The following CD163L1 variants were observed in gnomAD, a reference collection of about 807,000 sequenced individuals.
CD163L1 encodes the protein CD163 molecule like 1.
CD163L1 carries 124 observed loss-of-function variants against 165.4 expected under a neutral mutation model. The ratio of observed to expected loss-of-function variants is 0.75; its 90% CI spans 0.65 to 0.87. CD163L1 has a LOEUF of 0.87. Among genes scored for constraint, CD163L1 ranks in the 40% least tolerant of loss-of-function variants. CD163L1 has a pLI of 0.00. For synonymous variants in CD163L1, 585 were observed against 662.2 expected (o/e 0.88, Z 1.79); for missense variants, 1,525 against 1,799.9 (o/e 0.85, Z 2.76).
intron 13 of CD163L1, among the ~76,000 whole-genome samples, chr12:7,373,903 C>T (rs186282108): frequency 6.6e-6 from 1 of 152,188 alleles, no homozygotes; most frequent in Non-Finnish European, 1.5e-5. Flanking sequence ...CTACATTCTA[C>T]TCTCGAACAT....
intron 2 of CD163L1, chr12:7,438,708 T>G (rs1948772487): frequency 1.2e-6 from 1 of 827,930 alleles, no homozygotes; most frequent in Non-Finnish European, 1.8e-6. Flanking sequence ...CTTGACTGTT[T>G]CCCTTTCCTT....
At chr12:7,433,262 C>T in intron 3 of CD163L1, 112 bp downstream of exon 3, 1 of 879,140 alleles carries the variant, frequency 1.1e-6, no homozygotes, top group Non-Finnish European at 1.7e-6. Flanking sequence ...AAAATATTTC[C>T]TACACCTCCC....
At chr12:7,330,961 C>T in the CD163L1 span, among the ~76,000 whole-genome samples, 6 of 152,236 alleles carry the variant, frequency 3.9e-5, no homozygotes, top group South Asian at 1.0e-3. Context: ...TACAGTGCAC[C>T]GTGCACGAGC....
chr12:7,381,145 C>T (rs942494583), intron 8 of CD163L1, among the ~76,000 whole-genome samples: 33 of 152,036 alleles, frequency 2.2e-4, no homozygotes, highest in African/African-American at 7.5e-4. Context: ...TATTTTTCTA[C>T]TTTATATACT....
chr12:7,407,436 C>A (rs957082313), intron 4 of CD163L1, among the ~76,000 whole-genome samples: 46 of 151,898 alleles, frequency 3.0e-4, no homozygotes, highest in Non-Finnish European at 5.2e-4. Context: ...AAGGTGAAAG[C>A]AAGTGTGACC....
chr12:7,321,579 A>G, the CD163L1 span, among the ~76,000 whole-genome samples: 1 of 152,212 alleles, frequency 6.6e-6, no homozygotes, highest in South Asian at 2.1e-4. Context: ...TCTTGTTCAC[A>G]TTTCAAGAGT....
intron 4 of CD163L1, among the ~76,000 whole-genome samples, chr12:7,419,376 C>T (rs1352880477): frequency 1.3e-5 from 2 of 151,986 alleles, no homozygotes; most frequent in Middle Eastern, 3.2e-3. Context: ...TAAAAGCCAT[C>T]TATGGCAAAC....
At chr12:7,416,543 T>G (rs1407837770) in intron 4 of CD163L1, among the ~76,000 whole-genome samples, 2 of 152,234 alleles carry the variant, frequency 1.3e-5, no homozygotes, top group African/African-American at 2.4e-5. Flanking sequence ...AGGGTTTTTA[T>G]GGTTTTAGGT....
the CD163L1 span, among the ~76,000 whole-genome samples, chr12:7,340,842 CA>C: frequency 4.6e-5 from 7 of 152,304 alleles, no homozygotes; most frequent in East Asian, 1.3e-3. Flanking sequence ...TCTTATACGT[CA>C]ACTTCCACTT....
chr12:7,375,284 T>G lies in CD163L1; in HGVS notation c.2998A>C (p.Thr1000Pro). The G allele has an allele frequency of 6.2e-7, 1 of 1,613,986 alleles. No individual in the cohort carries two copies. Among genetic ancestry groups the G allele is most frequent in the South Asian group, 1.1e-5 (1 of 91,044 alleles). Reference sequence around the variant, plus strand: ...ACCATAAGCACTATTCTCTTACCTGTGCAGATCACAGAGACAGTATTTCCA... The same window carrying G: ...ACCATAAGCACTATTCTCTTACCTGGGCAGATCACAGAGACAGTATTTCCA... ...IHGNTVSVIC[T>P]GSLTQPLFPC... The change falls in exon 11 of 20, where the codon ACA becomes CCA. Residue 1000 changes from threonine (T) to proline (P), a missense_variant. Coordinates refer to ENST00000313599, the MANE Select transcript of CD163L1 (RefSeq NM_174941.6).
intron 6 of CD163L1, among the ~76,000 whole-genome samples, chr12:7,402,106 T>G (rs376906545): frequency 6.6e-6 from 1 of 151,962 alleles, no homozygotes; most frequent in Admixed American, 6.6e-5. Flanking sequence ...ATAAGATATA[T>G]GTAAGGTGTA....
At chr12:7,396,456 T>A (rs939732240) in intron 7 of CD163L1, 41 bp from the exon 8 acceptor site, 1 of 1,518,540 alleles carries the variant, frequency 6.6e-7, no homozygotes, top group African/African-American at 1.4e-5. Context: ...ATGGGTGTGA[T>A]GGTTTATTTT....
At chr12:7,328,299 C>T in the CD163L1 span, 2 of 1,586,010 alleles carry the variant, frequency 1.3e-6, no homozygotes. Context: ...GGAATTTGTT[C>T]AAGAACTCCC....
At chr12:7,356,315 G>A (rs1313108513) in intron 19 of CD163L1, among the ~76,000 whole-genome samples, 1 of 152,098 alleles carries the variant, frequency 6.6e-6, no homozygotes, top group East Asian at 1.9e-4. Flanking sequence ...ATTAAATTAT[G>A]TTGGAGCTAG....
In CD163L1 at chr12:7,369,208, G is replaced by A. The variant is rs1947091948; in HGVS notation, c.4039+149C>T. ...TAACAGTGGAACATTATCTTATTTA[G>A]TTGTGGAAAAACGTTAGTTTAACAT... On this transcript the variant is annotated intron_variant, in intron 15 of 19. Coordinates refer to ENST00000313599, the MANE Select transcript of CD163L1 (RefSeq NM_174941.6). The surrounding 1 kb of genome is among the most constrained non-coding windows in gnomAD (Gnocchi z 4.9). The A allele has an allele frequency of 1.0e-6, 1 of 961,308 alleles. No homozygotes were observed. The highest frequency in any genetic ancestry group is 1.6e-5 in the South Asian group (1 of 62,128). The allele number at this position is 961,308 out of a possible 1,614,324, so 59.5% of individuals were successfully genotyped here.
At chr12:7,427,313 G>A (rs754697012) in intron 4 of CD163L1, among the ~76,000 whole-genome samples, 8 of 152,006 alleles carry the variant, frequency 5.3e-5, no homozygotes, top group South Asian at 4.2e-4. Context: ...TCTTCATATC[G>A]TTTGCCCAGT....
chr12:7,393,333 C>T (rs1017193683), intron 8 of CD163L1, among the ~76,000 whole-genome samples: 4 of 152,152 alleles, frequency 2.6e-5, no homozygotes, highest in Non-Finnish European at 5.9e-5. Context: ...ACATGATTAT[C>T]TCAATAGATG....
rs1490114244 is a variant in CD163L1 at position 7,379,257 on chromosome 12, T to A, written c.2092A>T (p.Arg698Trp). The A allele has an allele frequency of 6.2e-7, 1 of 1,614,136 alleles. No individual in the cohort carries two copies. Reference sequence around the variant, plus strand: ...TTCACCTCAACTTTTCCAGCACACCTGCTGCTTCCACCCACAAGCCTCAGC... The same window carrying A: ...TTCACCTCAACTTTTCCAGCACACCAGCTGCTTCCACCCACAAGCCTCAGC... ...MELRLVGGSSRCAGKVEVNVQ... is the reference protein window; with the variant it reads ...MELRLVGGSSWCAGKVEVNVQ... The change falls in exon 9 of 20, where the codon AGG becomes TGG. Residue 698 changes from arginine (R) to tryptophan (W), a missense_variant. Arg to Trp is a moderately radical substitution (Grantham distance 101). Coordinates refer to ENST00000313599, the MANE Select transcript of CD163L1 (RefSeq NM_174941.6).
Position 7,421,634 on chromosome 12 carries a change from TATGTAC to T in CD163L1, c.766+10776_766+10781del, listed in dbSNP as rs1591956279. 7.7e-5 allele frequency among the ~76,000 whole-genome samples: 8 copies of T among 103,858 alleles called. 1 individual carries two copies. Among genetic ancestry groups the T allele is most frequent in the East Asian group, 5.8e-4 (2 of 3,460 alleles). 68.1% of individuals were successfully genotyped at this position (103,858 alleles called of 152,430 possible). A position where few individuals can be genotyped will look rare whatever the true frequency, so the allele number is the denominator to read the frequency against. On this transcript the variant is annotated intron_variant, in intron 4 of 19. Coordinates refer to ENST00000313599, the MANE Select transcript of CD163L1 (RefSeq NM_174941.6). The stretch of plus-strand genomic sequence containing the variant: ...ATACATATATGTACATATATACATA[TATGTAC>T]ACATATACATATATGTACATATATA...
Sources: gnomAD v4.1 joint callset for allele counts (sites outside exome capture counted in the v4.1 genomes callset) on GRCh38, gnomAD v4.1.1 for gene constraint, Gnocchi (gnomAD v3.1) non-coding constraint, MANE v1.5 for transcripts, NCBI Gene and HGNC (gene_info 2026-07-23, HGNC 2026-07-21) for gene names.